DYNC2H1: variants seen among roughly 807,000 people sequenced by gnomAD.
The protein encoded by DYNC2H1 is cytoplasmic dynein 2 heavy chain 1.
DYNC2H1 carries 410 observed loss-of-function variants against 570.0 expected under a neutral mutation model. The observed-to-expected ratio is 0.72, with a 90% confidence interval of 0.66 to 0.78. DYNC2H1 has a LOEUF of 0.78. DYNC2H1 is among the 30% of genes least tolerant of loss of function. The pLI is 0.00. For missense variants in DYNC2H1, 4,865 were observed against 5,046.4 expected, an observed-to-expected ratio of 0.96 and a Z score of 1.09; for synonymous variants, 1,688 against 1,677.6, an observed-to-expected ratio of 1.01 and a Z score of -0.15.
chr11:103,282,804 T>C (rs1866192753), intron 72 of DYNC2H1, among the ~76,000 whole-genome samples: 1 of 151,996 alleles, frequency 6.6e-6, no homozygotes, highest in South Asian at 2.1e-4. Context: ...AATGAAAAAA[T>C]GATTGCAACA....
rs769964753 is a variant in DYNC2H1, at chr11:103,468,679, C to G, written c.12739C>G (p.Pro4247Ala). Reference protein sequence around the residue: ...LDSPSVSSVLPCFMGWIPQDA... With the variant: ...LDSPSVSSVLACFMGWIPQDA... ...TTCTCCCAGCGTGTCATCAGTGCTCCCTTGTTTTATGGGCTGGATTCCACA... is the reference window on the plus strand; with the variant it reads ...TTCTCCCAGCGTGTCATCAGTGCTCGCTTGTTTTATGGGCTGGATTCCACA... The change falls in exon 88 of 89, where the codon CCT becomes GCT. Residue 4247 changes from proline to alanine, a missense_variant. Transcript: ENST00000375735. 1.2e-6 allele frequency: 2 copies of G among 1,613,100 alleles called. No homozygotes were observed. The highest frequency in any genetic ancestry group is 1.7e-6 in the Non-Finnish European group (2 of 1,179,460).
At chr11:103,357,719 G>T (rs1408216320) in intron 82 of DYNC2H1, among the ~76,000 whole-genome samples, 1 of 152,172 alleles carries the variant, frequency 6.6e-6, no homozygotes, top group Non-Finnish European at 1.5e-5. Context: ...TTGGGAGGCC[G>T]AAGTGGGAGG....
chr11:103,468,512 C>T, intron 87 of DYNC2H1, 77 bp from the exon 88 acceptor site: 3 of 960,510 alleles, frequency 3.1e-6, no homozygotes, highest in South Asian at 3.0e-5. Flanking sequence ...AAGCATAGCT[C>T]TTAAGGTAGA....
chr11:103,389,369 G>A (rs1942034924), intron 83 of DYNC2H1, among the ~76,000 whole-genome samples: 1 of 152,050 alleles, frequency 6.6e-6, no homozygotes, highest in Admixed American at 6.6e-5. Flanking sequence ...ATTTTTTATT[G>A]CATCTATTTG....
intron 84 of DYNC2H1, among the ~76,000 whole-genome samples, chr11:103,435,467 G>T (rs1201357167): frequency 6.6e-6 from 1 of 151,898 alleles, no homozygotes; most frequent in Non-Finnish European, 1.5e-5. Context: ...TCTTAGAGGG[G>T]TTTTATTTAT....
At chr11:103,198,125 A>G (rs1488685205) in intron 48 of DYNC2H1, 62 bp downstream of exon 48, 13 of 1,492,872 alleles carry the variant, frequency 8.7e-6, no homozygotes, top group African/African-American at 1.4e-5. Context: ...AAAAATATTT[A>G]TTGTAAATAT....
intron 32 of DYNC2H1, among the ~76,000 whole-genome samples, chr11:103,169,525 C>G (rs148328250): frequency 6.6e-6 from 1 of 152,036 alleles, no homozygotes; most frequent in Non-Finnish European, 1.5e-5. Flanking sequence ...TGCCAAATGG[C>G]TTTTTCAAAA....
At chr11:103,278,278 ATC>A (rs149742635) in intron 70 of DYNC2H1, among the ~76,000 whole-genome samples, 8,403 of 152,182 alleles carry the variant, frequency 0.055, 310 homozygotes, top group East Asian at 0.13. Flanking sequence ...AAAATGTAGG[ATC>A]TGTTTTATTC....
At position 103,133,976 on chromosome 11, in the gene DYNC2H1, C is replaced by G. The variant is rs1369377851; in HGVS notation, c.2106+269C>G. Among the ~76,000 whole-genome samples, 1 of 152,046 alleles carries G rather than the reference C, an allele frequency of 6.6e-6. No homozygotes were observed. The highest frequency in any genetic ancestry group is 1.5e-5 in the Non-Finnish European group (1 of 68,014). ...TTTTTTCCAGGATACAATCTAGAAT[C>G]CAACTCTGCCCTTAGTTGTTGAGTC... On this transcript the variant is annotated intron_variant, in intron 14 of 88. Coordinates refer to ENST00000375735, the MANE Select transcript of DYNC2H1 (RefSeq NM_001377.3). The surrounding 1 kb of genome is among the most constrained non-coding windows in gnomAD (Gnocchi z 4.8).
At chr11:103,338,387 G>A (rs780562684) in intron 82 of DYNC2H1, among the ~76,000 whole-genome samples, 27 of 151,896 alleles carry the variant, frequency 1.8e-4, no homozygotes, top group Non-Finnish European at 3.7e-4. Context: ...AATGTTAGGA[G>A]TTTTTTTTCT....
chr11:103,239,605 C>T lies in DYNC2H1; in HGVS notation c.9819+3066C>T, dbSNP rs542612294. Among the ~76,000 whole-genome samples, 6 of 151,842 alleles carry T rather than the reference C, an allele frequency of 4.0e-5. No homozygotes were observed. The East Asian group carries it at 1.2e-3, about 29-fold the overall frequency. On this transcript the variant is annotated intron_variant, in intron 63 of 88. Coordinates refer to ENST00000375735, the MANE Select transcript of DYNC2H1 (RefSeq NM_001377.3). This position sits in a 1 kb window ranked among gnomAD's most constrained non-coding sequence, Gnocchi z 4.3. ...AAGTGGTAGAGCCAGGATTCAAACC[C>T]AGGCCACCTAGCTCCTGTCTATACA...
chr11:103,128,795 A>G (rs1859123648), intron 12 of DYNC2H1, 115 bp from the exon 13 acceptor site: 9 of 924,008 alleles, frequency 9.7e-6, no homozygotes, highest in Non-Finnish European at 1.4e-5. Context: ...TGAAAAACCA[A>G]TTTTCTGTTT....
chr11:103,347,232 C>T (rs924037916), intron 82 of DYNC2H1, among the ~76,000 whole-genome samples: 2 of 152,162 alleles, frequency 1.3e-5, no homozygotes, highest in East Asian at 1.9e-4. Flanking sequence ...AAGAGGCAAG[C>T]GAGAAGGGCT....
intron 43 of DYNC2H1, among the ~76,000 whole-genome samples, chr11:103,187,800 G>C (rs896987795): frequency 2.0e-5 from 3 of 152,048 alleles, no homozygotes; most frequent in African/African-American, 7.2e-5. Flanking sequence ...ACATGACAGG[G>C]AGAATAGAAA....
rs1224644629 is a variant in DYNC2H1, at chr11:103,472,909, C to T, written c.12765+4204C>T. ...GTATCCCTGAGGAGCTTCGTTTCAACAGAAACTTGCCCACTAACCCAGTCA... is the reference window on the plus strand; with the variant it reads ...GTATCCCTGAGGAGCTTCGTTTCAATAGAAACTTGCCCACTAACCCAGTCA... On this transcript the variant is annotated intron_variant, in intron 88 of 88. Transcript: ENST00000375735. This position sits in a 1 kb window ranked among gnomAD's most constrained non-coding sequence, Gnocchi z 4.1. Among the ~76,000 whole-genome samples, 3 of 152,124 alleles carry T rather than the reference C, an allele frequency of 2.0e-5. No homozygotes were observed. Among genetic ancestry groups the T allele is most frequent in the African/African-American group, 7.2e-5 (3 of 41,408 alleles).
chr11:103,418,024 A>G (rs923157318), intron 84 of DYNC2H1, among the ~76,000 whole-genome samples: 1 of 151,978 alleles, frequency 6.6e-6, no homozygotes, highest in Admixed American at 6.6e-5. Flanking sequence ...AACTAAGATT[A>G]GAAGTGAACC....
chr11:103,133,315 A>G lies in DYNC2H1; in HGVS notation c.1954-240A>G, dbSNP rs1025668900. On this transcript the variant is annotated intron_variant, in intron 13 of 88. Transcript: ENST00000375735. This position sits in a 1 kb window ranked among gnomAD's most constrained non-coding sequence, Gnocchi z 4.8. ...GCCTTCTTCATTCTTCCTTTCCGTC[A>G]CCTTATGCTTGTTTGTTGTGTTATG... 6.6e-6 allele frequency among the ~76,000 whole-genome samples: 1 copy of G among 151,886 alleles called. No homozygotes were observed. Among genetic ancestry groups the G allele is most frequent in the Non-Finnish European group, 1.5e-5 (1 of 67,988 alleles).
At chr11:103,169,804 TA>T (rs1861497026) in intron 32 of DYNC2H1, among the ~76,000 whole-genome samples, 1 of 152,182 alleles carries the variant, frequency 6.6e-6, no homozygotes, top group East Asian at 1.9e-4. Flanking sequence ...TACTGTATAA[TA>T]ATTTTGGATT....
chr11:103,384,405 T>C (rs951709410), intron 83 of DYNC2H1, among the ~76,000 whole-genome samples: 3 of 152,168 alleles, frequency 2.0e-5, no homozygotes, highest in Non-Finnish European at 2.9e-5. Flanking sequence ...TATGGGTGCC[T>C]CTTATAAAGA....
Sources: gnomAD v4.1 joint callset for allele counts (sites outside exome capture counted in the v4.1 genomes callset) on GRCh38, gnomAD v4.1.1 for gene constraint, Gnocchi (gnomAD v3.1) non-coding constraint, MANE v1.5 for transcripts, NCBI Gene and HGNC (gene_info 2026-07-23, HGNC 2026-07-21) for gene names.